OSBP2: variants seen among roughly 807,000 people sequenced by gnomAD.
The protein encoded by OSBP2 is oxysterol binding protein 2.
A neutral mutation model predicts 96.0 loss-of-function variants in OSBP2; 66 were observed. The observed-to-expected ratio is 0.69, with a 90% confidence interval of 0.56 to 0.84. OSBP2 has a LOEUF of 0.84. Ranked by LOEUF, OSBP2 falls within the 40% of genes least tolerant of loss-of-function variation. The pLI, the probability that OSBP2 is intolerant of heterozygous loss-of-function variation, is 0.00. For missense variants in OSBP2, 1,038 were observed against 1,222.7 expected (o/e 0.85, Z 2.25); for synonymous variants, 525 against 520.9 (o/e 1.01, Z -0.11).
chr22:30,732,856 A>C (rs1014315323), intron 1 of OSBP2, among the ~76,000 whole-genome samples: 2 of 152,106 alleles, frequency 1.3e-5, no homozygotes, highest in Admixed American at 6.5e-5. Context: ...GCTGCCCCCT[A>C]GTGCAGCTGG....
rs987111399 is a variant in OSBP2 at position 30,861,472 on chromosome 22, G to A, written c.854-8957G>A. On this transcript the variant is annotated intron_variant, in intron 2 of 13. Coordinates refer to ENST00000332585, the MANE Select transcript of OSBP2 (RefSeq NM_030758.4). ...AGGAGATGAGGAGAGAGGGGCCTAC[G>A]GAGAGGCCCCGAGAACTGAGATGAC... is the stretch of plus-strand genomic sequence containing the variant. Among the ~76,000 whole-genome samples, 5 of 152,202 alleles carry A rather than the reference G, an allele frequency of 3.3e-5. 1 individual carries two copies. Among genetic ancestry groups the A allele is most frequent in the Non-Finnish European group, 7.3e-5 (5 of 68,034 alleles).
intron 2 of OSBP2, chr22:30,822,631 A>G (rs2038301980): frequency 6.5e-7 from 1 of 1,532,356 alleles, no homozygotes; most frequent in Non-Finnish European, 8.7e-7. Context: ...GCCGCGGGAA[A>G]TGAAGGGACG....
intron 2 of OSBP2, among the ~76,000 whole-genome samples, chr22:30,864,427 G>A (rs1029513868): frequency 6.6e-6 from 1 of 152,172 alleles, no homozygotes; most frequent in Non-Finnish European, 1.5e-5. Flanking sequence ...CCCGCAATGC[G>A]TGTGTGCGGC....
At chr22:30,859,042 G>T (rs5997788) in intron 2 of OSBP2, among the ~76,000 whole-genome samples, 74,963 of 151,612 alleles carry the variant, frequency 0.49, 19,201 homozygotes, top group East Asian at 0.68. Context: ...CCCCTTCAGG[G>T]CCCCATGGTT....
upstream of OSBP2, chr22:30,693,996 A>C (rs995240308): frequency 6.9e-7 from 1 of 1,444,070 alleles, no homozygotes; most frequent in South Asian, 1.3e-5. Flanking sequence ...CGGAAAAAAA[A>C]ATTCGCTGAT....
At chr22:30,869,923 G>A (rs2039423549) in intron 2 of OSBP2, among the ~76,000 whole-genome samples, 1 of 152,210 alleles carries the variant, frequency 6.6e-6, no homozygotes, top group Non-Finnish European at 1.5e-5. Flanking sequence ...ACAGATTGGT[G>A]TGGCTGGGGG....
chr22:30,701,344 CTTT>C (rs1228654999), intron 1 of OSBP2, among the ~76,000 whole-genome samples: 6 of 127,976 alleles, frequency 4.7e-5, no homozygotes, highest in Admixed American at 8.9e-5. Flanking sequence ...TTTTTCTTTT[CTTT>C]TTTTTTTTTT....
chr22:30,872,160 C>G (rs1332857764), intron 3 of OSBP2: 1 of 449,684 alleles, frequency 2.2e-6, no homozygotes, highest in Non-Finnish European at 4.5e-6. Flanking sequence ...CCCATTGTCA[C>G]CTGCACTGTT....
intron 1 of OSBP2, among the ~76,000 whole-genome samples, chr22:30,733,951 T>A (rs2089816253): frequency 6.6e-6 from 1 of 152,132 alleles, no homozygotes; most frequent in African/African-American, 2.4e-5. Context: ...TCAAAACATG[T>A]CTCCTTAAAA....
intron 1 of OSBP2, among the ~76,000 whole-genome samples, chr22:30,729,640 AAT>A (rs111442392): frequency 2.2e-4 from 33 of 151,230 alleles, no homozygotes; most frequent in African/African-American, 7.0e-4. Context: ...TCTATCTCAA[AAT>A]ATATATATAT....
intron 1 of OSBP2, 142 bp downstream of exon 1, chr22:30,695,695 C>T: frequency 6.2e-6 from 9 of 1,442,822 alleles, no homozygotes; most frequent in Non-Finnish European, 7.4e-6. Context: ...CCAAGTCACG[C>T]TTCTGGCCCG....
At chr22:30,765,623 A>C (rs1415052918) in intron 2 of OSBP2, among the ~76,000 whole-genome samples, 2 of 152,078 alleles carry the variant, frequency 1.3e-5, no homozygotes, top group South Asian at 2.1e-4. Flanking sequence ...TATTGCTGCT[A>C]TCTCTCTTCC....
chr22:30,727,125 T>A (rs2089664644), intron 1 of OSBP2, among the ~76,000 whole-genome samples: 1 of 152,172 alleles, frequency 6.6e-6, no homozygotes, highest in East Asian at 1.9e-4. Context: ...CATCTCTACT[T>A]TTCCATCACA....
chr22:30,895,106 G>A (rs2147171007), intron 12 of OSBP2, among the ~76,000 whole-genome samples: 1 of 152,292 alleles, frequency 6.6e-6, no homozygotes, highest in Non-Finnish European at 1.5e-5. Flanking sequence ...GAAGAGGAAT[G>A]AAGGGAGGGA....
intron 12 of OSBP2, among the ~76,000 whole-genome samples, chr22:30,899,269 T>TGTA (rs1424050047): frequency 6.6e-6 from 1 of 151,696 alleles, no homozygotes; most frequent in Non-Finnish European, 1.5e-5. Context: ...AGTACACATG[T>TGTA]GTAGTACACA....
intron 2 of OSBP2, among the ~76,000 whole-genome samples, chr22:30,826,491 C>G (rs181245662): frequency 6.6e-6 from 1 of 152,310 alleles, no homozygotes; most frequent in Non-Finnish European, 1.5e-5. Context: ...CATTCTAGTT[C>G]ATCCTGAAGT....
intron 12 of OSBP2, among the ~76,000 whole-genome samples, chr22:30,901,830 C>T (rs2040202461): frequency 6.6e-6 from 1 of 152,120 alleles, no homozygotes; most frequent in Non-Finnish European, 1.5e-5. Flanking sequence ...TGCCACTGCA[C>T]TCCAGCCTGG....
chr22:30,730,742 C>G (rs1326694208), intron 1 of OSBP2, among the ~76,000 whole-genome samples: 8 of 37,832 alleles, frequency 2.1e-4, no homozygotes, highest in Admixed American at 9.4e-4. Flanking sequence ...CTCTCTCTCT[C>G]TCTCTCTCTC....
At chr22:30,850,697 C>G (rs1000516124) in intron 2 of OSBP2, among the ~76,000 whole-genome samples, 6 of 152,136 alleles carry the variant, frequency 3.9e-5, no homozygotes, top group African/African-American at 1.4e-4. Flanking sequence ...CAGGGTTTCA[C>G]CATGTTGGCC....
Sources: gnomAD v4.1 joint callset for allele counts (sites outside exome capture counted in the v4.1 genomes callset) on GRCh38, gnomAD v4.1.1 for gene constraint, MANE v1.5 for transcripts, NCBI Gene and HGNC (gene_info 2026-07-23, HGNC 2026-07-21) for gene names.